The following TYW1B variants were observed in gnomAD, a reference collection of about 807,000 sequenced individuals.
The protein encoded by TYW1B is S-adenosyl-L-methionine-dependent tRNA 4-demethylwyosine synthase TYW1B.
In TYW1B, 73 loss-of-function variants were observed where a neutral mutation model predicts 86.9. The ratio of observed to expected loss-of-function variants is 0.84; its 90% CI spans 0.70 to 1.02. The LOEUF (loss-of-function observed/expected upper bound fraction) is 1.02. Among genes scored for constraint, TYW1B ranks in the 50% least tolerant of loss-of-function variants. The probability of loss-of-function intolerance (pLI) is 0.00; values close to 1 mark genes in which losing one functional copy is unlikely to be tolerated. For missense variants in TYW1B, 637 were observed against 827.4 expected (o/e 0.77, Z 2.82); for synonymous variants, 248 against 292.8 (o/e 0.85, Z 1.56).
At chr7:72,783,383 CAA>C (rs35804694) in intron 6 of TYW1B, among the ~76,000 whole-genome samples, 1,983 of 113,456 alleles carry the variant, frequency 0.017, 40 homozygotes, top group African/African-American at 0.062. Context: ...GACTTCATCT[CAA>C]AAAAAAAAAA....
At chr7:72,643,728 C>G (rs1368793545) in intron 11 of TYW1B, among the ~76,000 whole-genome samples, 1 of 152,118 alleles carries the variant, frequency 6.6e-6, no homozygotes, top group Admixed American at 6.5e-5. Context: ...TACACAAAGT[C>G]ATTTTGAAAA....
chr7:72,699,167 A>C (rs1248322060), intron 10 of TYW1B, among the ~76,000 whole-genome samples: 1 of 152,188 alleles, frequency 6.6e-6, no homozygotes, highest in Non-Finnish European at 1.5e-5. Context: ...TCAAAGTCAA[A>C]GCTGATCTCT....
In TYW1B at chr7:72,669,008, A is replaced by T. The variant is rs555395603; in HGVS notation, c.1506+25679T>A. ...CCCCCTGCCTAGCACAGAACTTGAA[A>T]TATACTACACACAAAGCAAGAGTTG... On this transcript the variant is annotated intron_variant, in intron 11 of 13. Transcript: ENST00000620995. Among the ~76,000 whole-genome samples, 21 of 152,274 alleles carry T rather than the reference A, an allele frequency of 1.4e-4. No homozygotes were observed. The South Asian group carries it at 4.1e-3, about 30-fold the overall frequency.
chr7:72,665,736 C>T (rs1813446990), intron 11 of TYW1B, among the ~76,000 whole-genome samples: 1 of 152,262 alleles, frequency 6.6e-6, no homozygotes, highest in South Asian at 2.1e-4. Flanking sequence ...TTTGTCTCTC[C>T]TATCAGAAAA....
chr7:72,802,415 G>A lies in TYW1B; in HGVS notation c.831C>T (p.His277=), dbSNP rs547750522. The change falls in exon 6 of 14, where the codon CAC becomes CAT. Residue 277 remains histidine (H), a synonymous_variant. Coordinates refer to ENST00000620995, the MANE Select transcript of TYW1B (RefSeq NM_001145440.3). ...DVEDLGKIMD[H]VKKEKREKEQ... ...GTAATGGTACCTTTTCTTTCTTCAC[G>A]TGATCCATAATTTTGCCCAAATCTT... 2.5e-5 allele frequency: 40 copies of A among 1,613,742 alleles called. No homozygotes were observed. Among genetic ancestry groups the A allele is most frequent in the Non-Finnish European group, 3.1e-5 (36 of 1,179,802 alleles).
In TYW1B at chr7:72,810,430, T is replaced by G. The variant is rs782569366; in HGVS notation, c.432+41A>C. 6 of 1,573,498 alleles carry G rather than the reference T, an allele frequency of 3.8e-6. No individual in the cohort carries two copies. In the South Asian group the frequency reaches 7.1e-5, roughly 19 times the overall value. On this transcript the variant is annotated intron_variant, in intron 4 of 13. Transcript: ENST00000620995. Reference sequence around the variant, plus strand: ...CGTGTGTGTGCGTGTGTGTGTGTGTTTATGGGGAGAATTTATTCCTATAAT... The same window carrying G: ...CGTGTGTGTGCGTGTGTGTGTGTGTGTATGGGGAGAATTTATTCCTATAAT...
Position 72,662,424 on chromosome 7 carries a change from T to TAG in TYW1B, c.1506+32262_1506+32263insCT, listed in dbSNP as rs1585884812. Among the ~76,000 whole-genome samples the TAG allele has an allele frequency of 8.2e-3, 382 of 46,494 alleles. 3 individuals are homozygous for TAG. Among genetic ancestry groups the TAG allele is most frequent in the Middle Eastern group, 0.024 (2 of 84 alleles). The allele number at this position is 46,494 out of a possible 152,430, so 30.5% of individuals were successfully genotyped here. A position where few individuals can be genotyped will look rare whatever the true frequency, so the allele number is the denominator to read the frequency against. On this transcript the variant is annotated intron_variant, in intron 11 of 13. Coordinates refer to ENST00000620995, the MANE Select transcript of TYW1B (RefSeq NM_001145440.3). ...TATCCCTTCAGGTTTTTAATATATA[T>TAG]ATATAGATAGATAGATAGATAGATA...
chr7:72,708,693 ATAAG>A (rs1270518210), intron 10 of TYW1B, among the ~76,000 whole-genome samples: 3 of 152,214 alleles, frequency 2.0e-5, no homozygotes, highest in African/African-American at 4.8e-5. Context: ...ATCCACAGAA[ATAAG>A]TAAGATTATC....
At chr7:72,613,538 C>T (rs1358510707) in intron 13 of TYW1B, among the ~76,000 whole-genome samples, 3 of 150,244 alleles carry the variant, frequency 2.0e-5, no homozygotes, top group Non-Finnish European at 3.0e-5. Flanking sequence ...TTCCTGAGTA[C>T]CTGAGATTAC....
At chr7:72,636,800 G>A (rs1309389872) in intron 11 of TYW1B, among the ~76,000 whole-genome samples, 2 of 152,116 alleles carry the variant, frequency 1.3e-5, no homozygotes, top group Non-Finnish European at 2.9e-5. Context: ...TATTTAGTTT[G>A]CTGACCTTTT....
intron 13 of TYW1B, among the ~76,000 whole-genome samples, chr7:72,601,347 A>C (rs1259407805): frequency 1.3e-5 from 2 of 151,882 alleles, no homozygotes; most frequent in East Asian, 1.9e-4. Flanking sequence ...ACCTCAAAAA[A>C]AAAAACAAAA....
intron 7 of TYW1B, among the ~76,000 whole-genome samples, chr7:72,763,265 G>GTTTTTT (rs1165731052): frequency 7.5e-6 from 1 of 132,558 alleles, no homozygotes; most frequent in Non-Finnish European, 1.7e-5. Flanking sequence ...TTAAGGTTTT[G>GTTTTTT]TTTTTTCTTT....
chr7:72,756,387 AC>A (rs1400790344), intron 7 of TYW1B, among the ~76,000 whole-genome samples: 1 of 150,806 alleles, frequency 6.6e-6, no homozygotes, highest in African/African-American at 2.4e-5. Context: ...GGCATGCGCC[AC>A]CATGCCCAGT....
At chr7:72,752,034 C>T (rs1323359421) in intron 7 of TYW1B, among the ~76,000 whole-genome samples, 1 of 152,224 alleles carries the variant, frequency 6.6e-6, no homozygotes, top group Non-Finnish European at 1.5e-5. Context: ...CTTATGCCCT[C>T]TGGCAGCCCC....
intron 11 of TYW1B, among the ~76,000 whole-genome samples, chr7:72,674,104 C>T (rs1423086986): frequency 6.6e-6 from 1 of 152,072 alleles, no homozygotes; most frequent in Non-Finnish European, 1.5e-5. Flanking sequence ...GATGGTACAA[C>T]CCCACTCCTC....
chr7:72,728,383 T>G (rs1554459140), intron 9 of TYW1B, among the ~76,000 whole-genome samples: 7 of 152,054 alleles, frequency 4.6e-5, no homozygotes. Flanking sequence ...CTCGGCTCAC[T>G]GCAACCTCTG....
At chr7:72,822,382 G>A (rs1302550502) in intron 2 of TYW1B, among the ~76,000 whole-genome samples, 2 of 149,768 alleles carry the variant, frequency 1.3e-5, no homozygotes, top group African/African-American at 2.5e-5. Flanking sequence ...CATACAAATC[G>A]TCAAAACAAA....
intron 8 of TYW1B, among the ~76,000 whole-genome samples, chr7:72,736,325 C>T (rs1375495177): frequency 5.3e-5 from 8 of 152,224 alleles, no homozygotes; most frequent in African/African-American, 1.7e-4. Context: ...CGACCTAATG[C>T]TTGCTGGGAC....
chr7:72,779,436 G>T (rs537044664), intron 6 of TYW1B, among the ~76,000 whole-genome samples: 1 of 152,422 alleles, frequency 6.6e-6, no homozygotes, highest in Admixed American at 6.5e-5. Flanking sequence ...TTAACACGTG[G>T]CCGGGCACGT....
Sources: gnomAD v4.1 joint callset for allele counts (sites outside exome capture counted in the v4.1 genomes callset) on GRCh38, gnomAD v4.1.1 for gene constraint, MANE v1.5 for transcripts, NCBI Gene and HGNC (gene_info 2026-07-23, HGNC 2026-07-21) for gene names.